Variants in LURAP1L observed in about 807,000 individuals in gnomAD.
LURAP1L encodes leucine rich adaptor protein 1 like, also known as leucine rich adaptor protein 1-like.
A neutral mutation model predicts 13.8 loss-of-function variants in LURAP1L; 12 were observed. That is an observed-to-expected ratio of 0.87 (90% CI 0.56 to 1.41). LURAP1L has a LOEUF of 1.41. Among genes scored for constraint, LURAP1L ranks in the 40% most tolerant of loss-of-function variants. LURAP1L has a pLI of 0.00. For missense variants in LURAP1L, 375 were observed against 292.9 expected (o/e 1.28, Z -2.04); for synonymous variants, 139 against 119.2 (o/e 1.17, Z -1.08).
At chr9:12,810,193 T>C (rs1819717354) in intron 1 of LURAP1L, among the ~76,000 whole-genome samples, 1 of 152,210 alleles carries the variant, frequency 6.6e-6, no homozygotes, top group Non-Finnish European at 1.5e-5. Context: ...GTAGGTTTCC[T>C]GGAGGTAAAA....
intron 1 of LURAP1L, among the ~76,000 whole-genome samples, chr9:12,804,324 G>C (rs1295668180): frequency 1.3e-5 from 2 of 150,056 alleles, no homozygotes; most frequent in African/African-American, 2.5e-5. Flanking sequence ...TTTTGTATGT[G>C]GCTCTGTTAT....
chr9:12,785,640 T>C (rs1207744662), intron 1 of LURAP1L, among the ~76,000 whole-genome samples: 1 of 152,168 alleles, frequency 6.6e-6, no homozygotes, highest in East Asian at 1.9e-4. Flanking sequence ...ACTGTGACAG[T>C]TAGCACTGAG....
intron 1 of LURAP1L, among the ~76,000 whole-genome samples, chr9:12,780,596 G>A (rs1819255953): frequency 6.6e-6 from 1 of 152,012 alleles, no homozygotes; most frequent in African/African-American, 2.4e-5. Flanking sequence ...CTGGCTATCT[G>A]CTTGATCCAA....
chr9:12,775,369 C>G lies in LURAP1L; in HGVS notation c.-347C>G. 1 of 250,300 alleles carries G rather than the reference C, an allele frequency of 4.0e-6. No homozygotes were observed. Among genetic ancestry groups the G allele is most frequent in the African/African-American group, 2.2e-5 (1 of 44,646 alleles). The allele number at this position is 250,300 out of a possible 1,614,324, so 15.5% of individuals were successfully genotyped here. On this transcript the variant is annotated 5_prime_UTR_variant, in exon 1 of 2. Coordinates refer to ENST00000319264, the MANE Select transcript of LURAP1L (RefSeq NM_203403.2). Reference sequence around the variant, plus strand: ...GCTAAAACAGATTTAATTTCCCTCTCTTTTCTTTCACTACTTCCCCCTCTT... The same window carrying G: ...GCTAAAACAGATTTAATTTCCCTCTGTTTTCTTTCACTACTTCCCCCTCTT...
At chr9:12,783,282 C>G (rs1427309211) in intron 1 of LURAP1L, among the ~76,000 whole-genome samples, 1 of 152,082 alleles carries the variant, frequency 6.6e-6, no homozygotes, top group Non-Finnish European at 1.5e-5. Flanking sequence ...CTCCTTATTT[C>G]CAGACCTTAG....
rs189700019 is a variant in LURAP1L, at chr9:12,822,689, A to T, written c.*929A>T. 2.7e-4 allele frequency among the ~76,000 whole-genome samples: 41 copies of T among 152,278 alleles called. No homozygotes were observed. Among genetic ancestry groups the T allele is most frequent in the Non-Finnish European group, 5.6e-4 (38 of 68,012 alleles). ...AAAGCAGAATTGTTATTCATTTAAG[A>T]AGTCTAATATGATATACATTCATCC... On this transcript the variant is annotated 3_prime_UTR_variant, in exon 2 of 2. Transcript: ENST00000319264.
chr9:12,776,856 A>G (rs1819193074), intron 1 of LURAP1L, among the ~76,000 whole-genome samples: 2 of 152,092 alleles, frequency 1.3e-5, no homozygotes, highest in Admixed American at 6.5e-5. Context: ...TTAGACTAAG[A>G]CACTATTTAC....
At chr9:12,808,715 C>A (rs888377948) in intron 1 of LURAP1L, among the ~76,000 whole-genome samples, 2 of 152,086 alleles carry the variant, frequency 1.3e-5, no homozygotes, top group Non-Finnish European at 2.9e-5. Flanking sequence ...TATTTATCCT[C>A]CTAGATGTTC....
intron 1 of LURAP1L, chr9:12,777,229 G>C (rs1326799): frequency 2.0e-6 from 2 of 985,062 alleles, no homozygotes; most frequent in African/African-American, 3.5e-5. Context: ...ACAACCCTTA[G>C]GTACATAATG....
chr9:12,812,164 G>T (rs1254400282), intron 1 of LURAP1L, among the ~76,000 whole-genome samples: 3 of 152,118 alleles, frequency 2.0e-5, no homozygotes, highest in East Asian at 1.9e-4. Context: ...CTATTATTTA[G>T]AAATAAGTCA....
At position 12,775,891 on chromosome 9, in the gene LURAP1L, GCA is replaced by G. The variant is rs1206717112; in HGVS notation, c.177_178del (p.Ser59ArgfsTer26). 16 of 1,572,536 alleles carry G rather than the reference GCA, an allele frequency of 1.0e-5. No homozygotes were observed. The highest frequency in any genetic ancestry group is 3.8e-5 in the Admixed American group (2 of 52,832). ...GGCGGCGGCGGCGGCTGCAGTAGCA[GCA>G]GCAGCTACTGCAGCTTCCCTCCCTC... On this transcript the variant is annotated frameshift_variant, in exon 1 of 2. Coordinates refer to ENST00000319264, the MANE Select transcript of LURAP1L (RefSeq NM_203403.2). LOFTEE classifies it high-confidence loss of function.
chr9:12,806,327 A>C (rs971038393), intron 1 of LURAP1L, among the ~76,000 whole-genome samples: 1 of 152,180 alleles, frequency 6.6e-6, no homozygotes, highest in African/African-American at 2.4e-5. Flanking sequence ...TCTAGTATAC[A>C]TATTAAATTA....
intron 1 of LURAP1L, among the ~76,000 whole-genome samples, chr9:12,804,669 A>T (rs572571135): frequency 1.1e-3 from 165 of 151,972 alleles, no homozygotes; most frequent in Admixed American, 2.0e-3. Context: ...TATCAAAAAA[A>T]TTTTTTTTTA....
intron 1 of LURAP1L, among the ~76,000 whole-genome samples, chr9:12,788,067 G>A (rs1424291560): frequency 1.3e-5 from 2 of 151,430 alleles, no homozygotes; most frequent in Admixed American, 6.6e-5. Flanking sequence ...AACCAACGTG[G>A]CACCAATGCT....
chr9:12,786,258 C>G (rs1193542494), intron 1 of LURAP1L, among the ~76,000 whole-genome samples: 2 of 151,770 alleles, frequency 1.3e-5, no homozygotes, highest in Non-Finnish European at 2.9e-5. Context: ...TGTCACTTCT[C>G]CTATACAAAC....
chr9:12,821,659 C>T lies in LURAP1L; in HGVS notation c.586C>T (p.Pro196Ser). Residue 196 changes from proline to serine, a missense_variant, in exon 2 of 2, where the codon CCT becomes TCT. Physicochemically the swap from Pro to Ser is moderately conservative, Grantham distance 74 (BLOSUM62 -1). Coordinates refer to ENST00000319264, the MANE Select transcript of LURAP1L (RefSeq NM_203403.2). ...LADDVPGHQT[P>S]SDLDQFSDSS... ...GGATGATGTCCCAGGCCATCAGACC[C>T]CTTCAGACTTGGACCAATTCAGTGA... is the stretch of plus-strand genomic sequence containing the variant. 1 of 1,614,156 alleles carries T rather than the reference C, an allele frequency of 6.2e-7. No homozygotes were observed.
chr9:12,798,560 T>G (rs1216633123), intron 1 of LURAP1L, among the ~76,000 whole-genome samples: 2 of 152,230 alleles, frequency 1.3e-5, no homozygotes, highest in African/African-American at 4.8e-5. Flanking sequence ...TCCTTAAATG[T>G]GGTGACCCAT....
At chr9:12,802,852 G>C (rs951077706) in intron 1 of LURAP1L, among the ~76,000 whole-genome samples, 2 of 152,048 alleles carry the variant, frequency 1.3e-5, no homozygotes, top group African/African-American at 4.8e-5. Context: ...TGCTCCCCTG[G>C]TTGTCTTGTC....
rs1819785436 is a variant in LURAP1L at position 12,815,044 on chromosome 9, T to C, written c.313-6342T>C. Among the ~76,000 whole-genome samples the C allele has an allele frequency of 2.6e-5, 4 of 152,052 alleles. No homozygotes were observed. In the South Asian group the frequency reaches 8.3e-4, roughly 31 times the overall value. On this transcript the variant is annotated intron_variant, in intron 1 of 1. Transcript: ENST00000319264. ...CTGAAGCATTCCAAACCAAAAACAG[T>C]GAGTGGAAATGTTGTACAGTGTCTT...
Sources: gnomAD v4.1 joint callset for allele counts (sites outside exome capture counted in the v4.1 genomes callset) on GRCh38, gnomAD v4.1.1 for gene constraint, MANE v1.5 for transcripts, NCBI Gene and HGNC (gene_info 2026-07-23, HGNC 2026-07-21) for gene names.